The following SIDT2 variants were observed in gnomAD, a reference collection of about 807,000 sequenced individuals.
SIDT2 encodes the protein SID1 transmembrane family member 2.
Under a neutral mutation model 114.4 loss-of-function variants are expected in SIDT2, and 68 were observed. The observed-to-expected ratio is 0.59, with a 90% CI of 0.49 to 0.73. The LOEUF (loss-of-function observed/expected upper bound fraction) is 0.73, where lower values mean the gene tolerates loss of function less well. Among genes scored for constraint, SIDT2 ranks in the 30% least tolerant of loss-of-function variants. The pLI is 0.00. For synonymous variants in SIDT2, 470 were observed against 438.4 expected (o/e 1.07, Z -0.90); for missense variants, 918 against 1,097.1 (o/e 0.84, Z 2.31).
Position 117,183,839 on chromosome 11 carries a change from G to A in SIDT2, c.763G>A (p.Ala255Thr). ...VVVVVKTEDQACGGSLPFYPF... is the reference protein window; with the variant it reads ...VVVVVKTEDQTCGGSLPFYPF... ...GGTGGTGGTGAAGACCGAAGACCAA[G>A]CCTGCGGGGGCTCCCTGCCTTTCTA... Residue 255 changes from alanine to threonine, a missense_variant, in exon 7 of 26, where the codon GCC becomes ACC. Physicochemically the swap from Ala to Thr is moderately conservative, Grantham distance 58. Transcript: ENST00000324225. 3.1e-6 allele frequency: 5 copies of A among 1,614,120 alleles called. No homozygotes were observed. The highest frequency in any genetic ancestry group is 4.2e-6 in the Non-Finnish European group (5 of 1,179,988).
At chr11:117,187,341 T>C in intron 10 of SIDT2, 37 bp from the exon 11 acceptor site, 2 of 1,598,088 alleles carry the variant, frequency 1.3e-6, no homozygotes, top group Non-Finnish European at 1.7e-6. Flanking sequence ...GCCTCTCTCT[T>C]CGTCCAGTGC....
At chr11:117,189,118 G>T (rs1157633216) in intron 13 of SIDT2, 51 bp from the exon 14 acceptor site, 2 of 1,577,652 alleles carry the variant, frequency 1.3e-6, no homozygotes, top group South Asian at 1.1e-5. Context: ...CCTGGGGGAG[G>T]GGGCTTCTCC....
chr11:117,193,320 C>A, intron 23 of SIDT2, 62 bp downstream of exon 23: 2 of 1,403,832 alleles, frequency 1.4e-6, no homozygotes, highest in Non-Finnish European at 9.9e-7. Flanking sequence ...GAGAGATGGG[C>A]CCGGCAGCAT....
At position 117,190,424 on chromosome 11, in the gene SIDT2, C is replaced by G; in HGVS notation, c.1617+135C>G. The G allele has an allele frequency of 2.1e-6, 3 of 1,412,624 alleles. No individual in the cohort carries two copies. Among genetic ancestry groups the G allele is most frequent in the Non-Finnish European group, 2.8e-6 (3 of 1,066,640 alleles). 87.5% of individuals were successfully genotyped at this position (1,412,624 alleles called of 1,614,324 possible). ...CCCTCCCCAGTTCTGTCTGGCCCACCCTATCCAGCCCAGCCTGCCCCACCC... is the reference window on the plus strand; with the variant it reads ...CCCTCCCCAGTTCTGTCTGGCCCACGCTATCCAGCCCAGCCTGCCCCACCC... On this transcript the variant is annotated intron_variant, in intron 17 of 25. Transcript: ENST00000324225. This position sits in a 1 kb window ranked among gnomAD's most constrained non-coding sequence, Gnocchi z 4.1.
At chr11:117,184,024 C>G in intron 7 of SIDT2, 50 bp from the exon 8 acceptor site, 1 of 1,606,606 alleles carries the variant, frequency 6.2e-7, no homozygotes, top group Non-Finnish European at 8.5e-7. Flanking sequence ...CCCACTGACT[C>G]TAGCCAAGCT....
At chr11:117,185,893 A>AGAG (rs377379290) in intron 8 of SIDT2, 33,464 of 188,660 alleles carry the variant, frequency 0.18, 3,131 homozygotes, top group Middle Eastern at 0.2. Context: ...AAAAAAAAAA[A>AGAG]AAGTAGAAGA....
chr11:117,181,601 A>G (rs2030287225), intron 2 of SIDT2, 64 bp downstream of exon 2: 4 of 1,606,446 alleles, frequency 2.5e-6, no homozygotes, highest in African/African-American at 2.7e-5. Context: ...TGGAGCCTCA[A>G]CCAGGAGCCC....
chr11:117,191,841 C>T (rs1284643220), intron 18 of SIDT2, 37 bp from the exon 19 acceptor site: 1 of 1,606,106 alleles, frequency 6.2e-7, no homozygotes, highest in Non-Finnish European at 8.5e-7. Context: ...GGCTTGGTGG[C>T]CATTTCTGCA....
At chr11:117,189,507 C>T in intron 15 of SIDT2, 106 bp downstream of exon 15, 1 of 1,214,926 alleles carries the variant, frequency 8.2e-7, no homozygotes, top group Non-Finnish European at 1.2e-6. Flanking sequence ...GACCTGGGTT[C>T]AGATCCCAGC....
At chr11:117,187,294 T>C (rs1471422251) in intron 10 of SIDT2, 84 bp from the exon 11 acceptor site, 9 of 1,363,708 alleles carry the variant, frequency 6.6e-6, no homozygotes, top group African/African-American at 1.4e-5. Context: ...GTGGCTGTCT[T>C]CTCTGGACCT....
rs2030490709 is a variant in SIDT2 at position 117,186,221 on chromosome 11, G to C, written c.960G>C (p.Trp320Cys). The change falls in exon 9 of 26, where the codon TGG becomes TGC. Residue 320 changes from tryptophan (W) to cysteine (C), a missense_variant and splice_region_variant. Trp to Cys is a radical substitution (Grantham distance 215, BLOSUM62 -2). Coordinates refer to ENST00000324225, the MANE Select transcript of SIDT2 (RefSeq NM_001040455.2). ...LTVLLACWEN[W>C]RQKKKTLLVA... ...TCCTCCTGGCCTGCTGGGAGAACTG[G>C]AGGTAAAGTGGAACTGCTGGGCCTC... The C allele has an allele frequency of 1.2e-6, 2 of 1,613,896 alleles. No individual in the cohort carries two copies. The highest frequency in any genetic ancestry group is 1.7e-6 in the Non-Finnish European group (2 of 1,179,962).
intron 1 of SIDT2, among the ~76,000 whole-genome samples, chr11:117,180,895 TTGG>T (rs1010975335): frequency 5.3e-5 from 8 of 152,302 alleles, no homozygotes; most frequent in Admixed American, 3.3e-4. Flanking sequence ...GCCCTGTCCC[TTGG>T]TGGGAGCTAA....
rs879746083 is a variant in SIDT2 at position 117,188,414 on chromosome 11, CCT to C, written c.1160-293_1160-292del. 42,069 of 475,766 alleles carry C rather than the reference CCT, an allele frequency of 0.088. 2,837 individuals carry two copies. The highest frequency in any genetic ancestry group is 0.26 in the African/African-American group (13,299 of 51,570). 29.5% of individuals were successfully genotyped at this position (475,766 alleles called of 1,614,324 possible). A position where few individuals can be genotyped will look rare whatever the true frequency, so the allele number is the denominator to read the frequency against. Reference sequence around the variant, plus strand: ...GTTTGTGTCTGCTGCCTGGGGTCTGCCTTGTGTCCTGGCCTGGGAAGCCCTAG... The same window carrying C: ...GTTTGTGTCTGCTGCCTGGGGTCTGCTGTGTCCTGGCCTGGGAAGCCCTAG... On this transcript the variant is annotated intron_variant, in intron 12 of 25. Coordinates refer to ENST00000324225, the MANE Select transcript of SIDT2 (RefSeq NM_001040455.2). The surrounding 1 kb of genome is among the most constrained non-coding windows in gnomAD (Gnocchi z 4.0).
Position 117,189,945 on chromosome 11 carries a change from G to A in SIDT2, c.1420-7G>A, listed in dbSNP as rs546759709. 6.2e-7 allele frequency: 1 copy of A among 1,614,070 alleles called. No individual in the cohort carries two copies. The highest frequency in any genetic ancestry group is 1.3e-5 in the African/African-American group (1 of 75,046). On this transcript the variant is annotated splice_region_variant and splice_polypyrimidine_tract_variant and intron_variant, in intron 15 of 25. Transcript: ENST00000324225. ...AGACCCACTCCCTGTCCCTGCTCCTGCTACAGGTGGTGAATGTCACAGGGA... is the reference window on the plus strand; with the variant it reads ...AGACCCACTCCCTGTCCCTGCTCCTACTACAGGTGGTGAATGTCACAGGGA...
intron 10 of SIDT2, 114 bp downstream of exon 10, chr11:117,186,750 T>A: frequency 1.4e-5 from 12 of 847,862 alleles, no homozygotes; most frequent in Non-Finnish European, 1.7e-5. Flanking sequence ...TTCTGGATGT[T>A]CAGATGGGGG....
In SIDT2 at chr11:117,191,907, C is replaced by G; in HGVS notation, c.1765C>G (p.Leu589Val). 6.2e-7 allele frequency: 1 copy of G among 1,614,178 alleles called. No homozygotes were observed. The highest frequency in any genetic ancestry group is 8.5e-7 in the Non-Finnish European group (1 of 1,180,044). The change falls in exon 19 of 26, where the codon CTC (leucine) becomes GTC (valine). Residue 589 changes from leucine (L) to valine (V), a missense_variant. Transcript: ENST00000324225. ...DTSFMYMIAG[L>V]CMLKLYQKRH... ...ATCGTTCATGTACATGATCGCCGGA[C>G]TCTGCATGCTGAAGCTCTACCAGAA...
rs1156868474 is a variant in SIDT2, at chr11:117,192,825, C to T, written c.2064C>T (p.Arg688=). The T allele has an allele frequency of 6.2e-7, 1 of 1,614,168 alleles. No homozygotes were observed. Among genetic ancestry groups the T allele is most frequent in the Admixed American group, 1.7e-5 (1 of 60,024 alleles). The stretch of plus-strand genomic sequence containing the variant: ...GTGTCCCTGCTTCCCTCCAGGACCG[C>T]ATGGTGCTGCTGGTCATGGGCAACG... ...RQCSGPLYVD[R]MVLLVMGNVI... Residue 688 remains arginine (R), a synonymous_variant, in exon 22 of 26, where the codon CGC becomes CGT. Transcript: ENST00000324225. The surrounding 1 kb of genome is among the most constrained non-coding windows in gnomAD (Gnocchi z 5.9).
At position 117,190,827 on chromosome 11, in the gene SIDT2, C is replaced by A. The variant is rs772203759; in HGVS notation, c.1735+87C>A. 1 of 1,039,318 alleles carries A rather than the reference C, an allele frequency of 9.6e-7. No individual in the cohort carries two copies. Among genetic ancestry groups the A allele is most frequent in the Non-Finnish European group, 1.5e-6 (1 of 666,708 alleles). The allele number at this position is 1,039,318 out of a possible 1,614,324, so 64.4% of individuals were successfully genotyped here. A position where few individuals can be genotyped will look rare whatever the true frequency, so the allele number is the denominator to read the frequency against. ...CTATCCCCAAGTCACCCACAGGGAT[C>A]GCTAAGACACCCCTGTAGGAAACTC... On this transcript the variant is annotated intron_variant, in intron 18 of 25. Transcript: ENST00000324225. This position sits in a 1 kb window ranked among gnomAD's most constrained non-coding sequence, Gnocchi z 4.1.
At chr11:117,181,698 C>G in intron 2 of SIDT2, 109 bp from the exon 3 acceptor site, 1 of 1,574,796 alleles carries the variant, frequency 6.4e-7, no homozygotes. Context: ...TTGTGCACCT[C>G]GCAGGGAGGT....
Sources: allele counts gnomAD v4.1 joint callset (sites outside exome capture counted in the v4.1 genomes callset), GRCh38; gene constraint gnomAD v4.1.1; non-coding constraint Gnocchi (gnomAD v3.1); transcripts MANE v1.5; gene names NCBI Gene and HGNC (gene_info 2026-07-23, HGNC 2026-07-21).